DPH6: variants seen among roughly 807,000 people sequenced by gnomAD.
The protein encoded by DPH6 is diphthamine biosynthesis 6, also known as diphthine--ammonia ligase.
A neutral mutation model predicts 38.2 loss-of-function variants in DPH6; 33 were observed. The observed-to-expected ratio is 0.86, with a 90% confidence interval of 0.65 to 1.15. The LOEUF (loss-of-function observed/expected upper bound fraction) is 1.15. Ranked by LOEUF, DPH6 falls within the 50% of genes most tolerant of loss-of-function variation. The pLI is 0.00. For missense variants in DPH6, 325 were observed against 320.0 expected, an observed-to-expected ratio of 1.02 and a Z score of -0.12; for synonymous variants, 108 against 103.0, an observed-to-expected ratio of 1.05 and a Z score of -0.30.
chr15:35,506,541 C>T lies in DPH6; in HGVS notation c.312+31733G>A, dbSNP rs772586738. Among the ~76,000 whole-genome samples the T allele has an allele frequency of 5.3e-5, 8 of 152,330 alleles. No homozygotes were observed. The East Asian group carries it at 1.4e-3, about 26-fold the overall frequency. Reference sequence around the variant, plus strand: ...TAAATAAGAGGGGTTCCTACTTCTACAGCCCACGCTAGGTCACGACCTGAA... The same window carrying T: ...TAAATAAGAGGGGTTCCTACTTCTATAGCCCACGCTAGGTCACGACCTGAA... On this transcript the variant is annotated intron_variant, in intron 3 of 8. Coordinates refer to ENST00000256538, the MANE Select transcript of DPH6 (RefSeq NM_080650.4).
At chr15:35,238,607 A>G (rs976859838) in intron 3 of DPH6, among the ~76,000 whole-genome samples, 1 of 152,200 alleles carries the variant, frequency 6.6e-6, no homozygotes, top group Non-Finnish European at 1.5e-5. Context: ...TATGTTGCCT[A>G]TGCAATTCCG....
At chr15:35,167,486 A>C in the DPH6 span, among the ~76,000 whole-genome samples, 1 of 151,850 alleles carries the variant, frequency 6.6e-6, no homozygotes, top group Non-Finnish European at 1.5e-5. Flanking sequence ...TAGAGCTAGA[A>C]AATTCATTGA....
intron 3 of DPH6, among the ~76,000 whole-genome samples, chr15:35,321,636 CT>C (rs2052241368): frequency 6.6e-6 from 1 of 152,072 alleles, no homozygotes; most frequent in South Asian, 2.1e-4. Flanking sequence ...GATTTGTGCT[CT>C]TTTCTCTGTG....
chr15:35,324,990 G>A (rs1052627873), intron 3 of DPH6, among the ~76,000 whole-genome samples: 1 of 152,132 alleles, frequency 6.6e-6, no homozygotes, highest in South Asian at 2.1e-4. Flanking sequence ...TTGAGCTGAA[G>A]AATTTTTACA....
intron 3 of DPH6, among the ~76,000 whole-genome samples, chr15:35,273,357 C>T (rs542437446): frequency 7.9e-5 from 12 of 152,246 alleles, no homozygotes; most frequent in South Asian, 4.1e-4. Context: ...ATCATTCTTA[C>T]GCCTTTGCAT....
chr15:35,499,316 T>C (rs528004170), intron 3 of DPH6, among the ~76,000 whole-genome samples: 11 of 152,326 alleles, frequency 7.2e-5, no homozygotes, highest in African/African-American at 2.4e-4. Flanking sequence ...GGATTCTTCC[T>C]TCCTTCTTTC....
At chr15:35,459,322 C>T (rs2054034365) in intron 3 of DPH6, among the ~76,000 whole-genome samples, 1 of 152,146 alleles carries the variant, frequency 6.6e-6, no homozygotes, top group Non-Finnish European at 1.5e-5. Context: ...AGTGCAAACT[C>T]CTTTCTGGTG....
downstream of DPH6, among the ~76,000 whole-genome samples, chr15:35,367,994 T>C (rs536153211): frequency 1.3e-5 from 2 of 151,940 alleles, no homozygotes; most frequent in Admixed American, 6.6e-5. Flanking sequence ...TTAGAACTAA[T>C]AGCTGTTACA....
intron 3 of DPH6, among the ~76,000 whole-genome samples, chr15:35,495,301 A>G (rs2054535045): frequency 6.6e-6 from 1 of 152,200 alleles, no homozygotes; most frequent in Admixed American, 6.5e-5. Flanking sequence ...GTTCGCAGAT[A>G]CAAAGGAACA....
chr15:35,302,699 G>A (rs2052062392), intron 3 of DPH6, among the ~76,000 whole-genome samples: 1 of 152,074 alleles, frequency 6.6e-6, no homozygotes, highest in Non-Finnish European at 1.5e-5. Flanking sequence ...TCTGTAAATA[G>A]CACACCCACA....
chr15:35,489,924 A>T (rs2054454677), intron 3 of DPH6: 1 of 970,026 alleles, frequency 1.0e-6, no homozygotes, highest in Non-Finnish European at 1.2e-6. Flanking sequence ...ATTACTTTTT[A>T]AAAGTATCAA....
At chr15:35,520,237 AAAAC>A (rs2054904465) in intron 3 of DPH6, 2 of 812,784 alleles carry the variant, frequency 2.5e-6, no homozygotes, top group Non-Finnish European at 2.9e-6. Context: ...AAACAAAAAA[AAAAC>A]AAAAGAAGAA....
downstream of DPH6, among the ~76,000 whole-genome samples, chr15:35,329,365 T>C (rs999306038): frequency 6.6e-6 from 1 of 152,304 alleles, no homozygotes; most frequent in East Asian, 1.9e-4. Flanking sequence ...AATAAATTAA[T>C]GAAAGACAAG....
chr15:35,464,109 C>T (rs1360224836), intron 3 of DPH6, among the ~76,000 whole-genome samples: 1 of 152,052 alleles, frequency 6.6e-6, no homozygotes, highest in Non-Finnish European at 1.5e-5. Context: ...TCCTGGCCAA[C>T]ATAGTAAAAC....
intron 3 of DPH6, among the ~76,000 whole-genome samples, chr15:35,250,805 C>T (rs778042247): frequency 6.6e-6 from 1 of 151,910 alleles, no homozygotes; most frequent in Non-Finnish European, 1.5e-5. Context: ...AGCAGAGCCA[C>T]GTATAAAGCT....
At chr15:35,508,495 T>C (rs571996809) in intron 3 of DPH6, among the ~76,000 whole-genome samples, 1 of 152,262 alleles carries the variant, frequency 6.6e-6, no homozygotes, top group East Asian at 1.9e-4. Context: ...AAAAACCATA[T>C]TTGTACAACC....
chr15:35,466,250 T>C (rs1359043669), intron 3 of DPH6, among the ~76,000 whole-genome samples: 1 of 152,112 alleles, frequency 6.6e-6, no homozygotes, highest in Non-Finnish European at 1.5e-5. Context: ...TAAGGTGATA[T>C]TTTGAGGACT....
chr15:35,284,801 AT>A (rs71123127), intron 3 of DPH6, among the ~76,000 whole-genome samples: 3,508 of 79,094 alleles, frequency 0.044, 49 homozygotes, highest in African/African-American at 0.16. Flanking sequence ...AAGTCTCCAA[AT>A]TTTTTTTTTT....
At chr15:35,327,667 A>C (rs553263560), downstream of DPH6, among the ~76,000 whole-genome samples, 3 of 152,296 alleles carry the variant, frequency 2.0e-5, no homozygotes, top group African/African-American at 7.2e-5. Context: ...GAGCGAAGTG[A>C]AAGTCAGGAG....
Sources: allele counts gnomAD v4.1 joint callset (sites outside exome capture counted in the v4.1 genomes callset), GRCh38; gene constraint gnomAD v4.1.1; transcripts MANE v1.5; gene names NCBI Gene and HGNC (gene_info 2026-07-23, HGNC 2026-07-21).